The following DNAH14 variants were observed in gnomAD, a reference collection of about 807,000 sequenced individuals.
DNAH14 encodes dynein axonemal heavy chain 14.
DNAH14 carries 478 observed loss-of-function variants against 520.9 expected under a neutral mutation model. The observed-to-expected ratio is 0.92, with a 90% confidence interval of 0.85 to 0.99. DNAH14 has a LOEUF of 0.99. Among genes scored for constraint, DNAH14 ranks in the 50% least tolerant of loss-of-function variants. DNAH14 has a pLI of 0.00. For synonymous variants in DNAH14, 1,581 were observed against 1,757.2 expected, an observed-to-expected ratio of 0.90 and a Z score of 2.51; for missense variants, 4,831 against 5,234.5, an observed-to-expected ratio of 0.92 and a Z score of 2.38.
intron 75 of DNAH14, among the ~76,000 whole-genome samples, chr1:225,363,685 C>T (rs1242020241): frequency 2.0e-5 from 3 of 152,134 alleles, no homozygotes; most frequent in Non-Finnish European, 2.9e-5. Context: ...CTTGGATATT[C>T]GATTCCCTTA....
chr1:225,254,735 C>G (rs536558586), intron 44 of DNAH14, among the ~76,000 whole-genome samples: 1 of 152,280 alleles, frequency 6.6e-6, no homozygotes, highest in African/African-American at 2.4e-5. Flanking sequence ...AAAATGTTAA[C>G]TGTTTCTATC....
At chr1:225,144,297 A>T (rs2149044016) in intron 28 of DNAH14, 100 bp from the exon 29 acceptor site, 1 of 915,244 alleles carries the variant, frequency 1.1e-6, no homozygotes, top group Non-Finnish European at 1.6e-6. Flanking sequence ...TTGTTTTTTT[A>T]ATCAATGCTC....
At position 225,335,468 on chromosome 1, in the gene DNAH14, TGTGTGTGTATGCAC is replaced by T. The variant is rs1255729029; in HGVS notation, c.10081-1797_10081-1784del. On this transcript the variant is annotated intron_variant, in intron 66 of 85. Transcript: ENST00000682510. The stretch of plus-strand genomic sequence containing the variant: ...GTATGCACATATGCACGTGTGTACA[TGTGTGTGTATGCAC>T]ATATACACGTGTGTACATGTACACA... 8.4e-5 allele frequency among the ~76,000 whole-genome samples: 8 copies of T among 95,528 alleles called. 1 individual carries two copies. The highest frequency in any genetic ancestry group is 4.8e-4 in the Admixed American group (4 of 8,406). 62.7% of individuals were successfully genotyped at this position (95,528 alleles called of 152,430 possible).
At chr1:225,343,168 C>T (rs1010555883) in intron 69 of DNAH14, among the ~76,000 whole-genome samples, 2 of 152,208 alleles carry the variant, frequency 1.3e-5, no homozygotes, top group Non-Finnish European at 2.9e-5. Flanking sequence ...CAAGTAACAG[C>T]ACTTTGCTGA....
chr1:225,017,819 A>G (rs1404588634), intron 10 of DNAH14, among the ~76,000 whole-genome samples: 2 of 152,216 alleles, frequency 1.3e-5, no homozygotes, highest in African/African-American at 4.8e-5. Context: ...GAGTTGGCCC[A>G]CTGAAAGCAT....
chr1:225,244,863 A>G (rs1291579914), intron 43 of DNAH14, among the ~76,000 whole-genome samples: 1 of 151,756 alleles, frequency 6.6e-6, no homozygotes, highest in Non-Finnish European at 1.5e-5. Context: ...TTCTGCTCTG[A>G]TCTTAGTTAT....
intron 12 of DNAH14, 30 bp from the exon 13 acceptor site, chr1:225,042,805 C>T: frequency 6.5e-7 from 1 of 1,527,406 alleles, no homozygotes; most frequent in Non-Finnish European, 8.8e-7. Flanking sequence ...TATGTTGTCA[C>T]TGGCACCCTC....
intron 1 of DNAH14, among the ~76,000 whole-genome samples, chr1:224,939,594 G>A (rs1357390819): frequency 6.6e-6 from 1 of 152,148 alleles, no homozygotes; most frequent in African/African-American, 2.4e-5. Flanking sequence ...TGAGGCAGGA[G>A]AATGGCGTGA....
In DNAH14 at chr1:225,106,650, T is replaced by C. The variant is rs533875786; in HGVS notation, c.3867+5766T>C. 5.9e-5 allele frequency among the ~76,000 whole-genome samples: 9 copies of C among 152,258 alleles called. No individual in the cohort carries two copies. The South Asian group carries it at 1.9e-3, about 32-fold the overall frequency. On this transcript the variant is annotated intron_variant, in intron 23 of 85. Coordinates refer to ENST00000682510, the MANE Select transcript of DNAH14 (RefSeq NM_001367479.1). ...TCATTTGATCTTCCATCACGGATAC[T>C]CTTTCTTCCAGTTGATTGAATCGGC...
intron 3 of DNAH14, among the ~76,000 whole-genome samples, chr1:224,958,615 T>A (rs917950913): frequency 6.6e-6 from 1 of 152,036 alleles, no homozygotes; most frequent in Non-Finnish European, 1.5e-5. Flanking sequence ...AAAATGGTCA[T>A]GTTGGGAGAA....
chr1:224,986,335 A>G (rs3102107), intron 8 of DNAH14, among the ~76,000 whole-genome samples: 13,651 of 149,266 alleles, frequency 0.091, 2,041 homozygotes, highest in African/African-American at 0.32. Context: ...AAAAAAAAAA[A>G]AAAGAAAACT....
intron 11 of DNAH14, chr1:225,024,144 G>T: frequency 9.9e-7 from 1 of 1,006,196 alleles, no homozygotes; most frequent in Non-Finnish European, 1.2e-6. Flanking sequence ...TTGTTTATCT[G>T]AAATTCAGAT....
intron 38 of DNAH14, 54 bp from the exon 39 acceptor site, chr1:225,204,129 A>G (rs1410462777): frequency 1.1e-6 from 1 of 881,922 alleles, no homozygotes; most frequent in Non-Finnish European, 1.6e-6. Flanking sequence ...AATCCATTGT[A>G]GTTGAAAAGT....
At chr1:225,111,724 T>C (rs2076493355) in intron 23 of DNAH14, among the ~76,000 whole-genome samples, 1 of 152,086 alleles carries the variant, frequency 6.6e-6, no homozygotes, top group South Asian at 2.1e-4. Flanking sequence ...CCTTCCCTCC[T>C]GTCTTCTTTT....
chr1:225,333,146 A>G, intron 65 of DNAH14, 145 bp from the exon 66 acceptor site: 1 of 641,350 alleles, frequency 1.6e-6, no homozygotes. Context: ...TTTCAATATT[A>G]TCCATTATTA....
At chr1:225,131,551 A>G (rs1424513348) in intron 27 of DNAH14, among the ~76,000 whole-genome samples, 1 of 152,146 alleles carries the variant, frequency 6.6e-6, no homozygotes, top group African/African-American at 2.4e-5. Context: ...GATACATTTG[A>G]CCCACCCAGA....
chr1:225,356,342 A>G (rs1047943483), intron 73 of DNAH14, among the ~76,000 whole-genome samples: 2 of 152,184 alleles, frequency 1.3e-5, no homozygotes, highest in Non-Finnish European at 2.9e-5. Context: ...GGCCCAGTGC[A>G]CTACAGTCTT....
intron 36 of DNAH14, among the ~76,000 whole-genome samples, chr1:225,172,287 A>G (rs1362912421): frequency 6.6e-6 from 1 of 152,194 alleles, no homozygotes; most frequent in Non-Finnish European, 1.5e-5. Flanking sequence ...AGAAGGAAAT[A>G]AAGGGCATTC....
chr1:224,946,732 C>T (rs2059859189), intron 1 of DNAH14, among the ~76,000 whole-genome samples: 1 of 152,036 alleles, frequency 6.6e-6, no homozygotes, highest in South Asian at 2.1e-4. Flanking sequence ...TCAAGTTTTA[C>T]TTCTCACATT....
Sources: gnomAD v4.1 joint callset for allele counts (sites outside exome capture counted in the v4.1 genomes callset) on GRCh38, gnomAD v4.1.1 for gene constraint, MANE v1.5 for transcripts, NCBI Gene and HGNC (gene_info 2026-07-23, HGNC 2026-07-21) for gene names.